The following TSR1 variants were observed in gnomAD, a reference collection of about 807,000 sequenced individuals.
TSR1 encodes the protein TSR1 ribosome maturation factor.
In TSR1, 81 loss-of-function variants were observed where a neutral mutation model predicts 90.9. The ratio of observed to expected loss-of-function variants is 0.89; its 90% confidence interval spans 0.74 to 1.07. The LOEUF (loss-of-function observed/expected upper bound fraction) is 1.07, where lower values mean the gene tolerates loss of function less well. Among genes scored for constraint, TSR1 ranks in the 50% least tolerant of loss-of-function variants. The pLI is 0.00. For missense variants in TSR1, 989 were observed against 987.3 expected (o/e 1.00, Z -0.02); for synonymous variants, 362 against 348.8 (o/e 1.04, Z -0.42).
Position 2,336,429 on chromosome 17 carries a change from C to A in TSR1, c.-2G>T. The A allele has an allele frequency of 1.2e-6, 2 of 1,609,554 alleles. No individual in the cohort carries two copies. Among genetic ancestry groups the A allele is most frequent in the South Asian group, 2.2e-5 (2 of 90,950 alleles). On this transcript the variant is annotated 5_prime_UTR_variant, in exon 1 of 15. Coordinates refer to ENST00000301364, the MANE Select transcript of TSR1 (RefSeq NM_018128.5). ...CGGGCCGGGGCGGTGGGCCGCCATG[C>A]CGCAGCGCGCGTGTACGGAGTCAGC...
chr17:2,330,575 G>T lies in TSR1; in HGVS notation c.1710C>A (p.Val570=). ...LHVSEVPVSV[V]ECFRQGTPLI... is the part of the protein sequence containing the mutation. ...AGGGTGTTCCTTGCCTGAAGCACTC[G>T]ACCACTGAGACGGGGACTTCAGAGA... is the stretch of plus-strand genomic sequence containing the variant. The change falls in exon 10 of 15, where the codon GTC becomes GTA. Residue 570 remains valine (V), a synonymous_variant. Transcript: ENST00000301364. 1.9e-6 allele frequency: 3 copies of T among 1,613,820 alleles called. No homozygotes were observed.
chr17:2,333,367 T>C (rs975461743), intron 6 of TSR1, 190 bp downstream of exon 6: 5 of 892,144 alleles, frequency 5.6e-6, no homozygotes, highest in African/African-American at 5.0e-5. Context: ...TTAACACAAG[T>C]AATTTTGAGA....
Position 2,332,253 on chromosome 17 carries a change from AT to A in TSR1, c.1411del (p.Met471CysfsTer109). 2 of 1,614,050 alleles carry A rather than the reference AT, an allele frequency of 1.2e-6. No homozygotes were observed. Among genetic ancestry groups the A allele is most frequent in the Non-Finnish European group, 1.7e-6 (2 of 1,179,992 alleles). On this transcript the variant is annotated frameshift_variant, in exon 8 of 15. Transcript: ENST00000301364. LOFTEE classifies it high-confidence loss of function. Reference protein sequence around the residue: ...KKVDEEAEAKMLEKYKQERLE... With the variant: ...KKVDEEAEAKXLEKYKQERLE... Reference sequence around the variant, plus strand: ...TCTTTCTTGTTTATATTTCTCCAACATTTTTGCCTCAGCTTCTTCATCTACT... The same window carrying A: ...TCTTTCTTGTTTATATTTCTCCAACATTTTGCCTCAGCTTCTTCATCTACT...
At chr17:2,329,582 T>C in intron 10 of TSR1, 107 bp from the exon 11 acceptor site, 1 of 1,338,970 alleles carries the variant, frequency 7.5e-7, no homozygotes, top group South Asian at 1.3e-5. Flanking sequence ...TTCTAAGAAC[T>C]GACAATGCTA....
In TSR1 at chr17:2,335,242, A is replaced by T. The variant is rs763207788; in HGVS notation, c.556+18T>A. ...GCCTGACAAATTAAAGGTGCACAAT[A>T]AATGCTAACTCACTTACTATAGGTC... On this transcript the variant is annotated intron_variant, in intron 4 of 14. Transcript: ENST00000301364. The T allele has an allele frequency of 6.2e-7, 1 of 1,612,234 alleles. No individual in the cohort carries two copies. The highest frequency in any genetic ancestry group is 1.1e-5 in the South Asian group (1 of 90,764).
rs770258928 is a variant in TSR1, at chr17:2,329,479, G to C, written c.1771-4C>G. 14 of 1,613,320 alleles carry C rather than the reference G, an allele frequency of 8.7e-6. No homozygotes were observed. The highest frequency in any genetic ancestry group is 1.1e-5 in the Non-Finnish European group (13 of 1,179,846). ...CCACCATATTCAATACTGACATCTG[G>C]GGACCAAGTAAGAAAAACAAAAATC... is the stretch of plus-strand genomic sequence containing the variant. On this transcript the variant is annotated splice_region_variant and splice_polypyrimidine_tract_variant and intron_variant, in intron 10 of 14. Coordinates refer to ENST00000301364, the MANE Select transcript of TSR1 (RefSeq NM_018128.5).
chr17:2,323,064 CCA>C lies in TSR1; in HGVS notation c.*1130_*1131del. The C allele has an allele frequency of 6.7e-7, 1 of 1,492,230 alleles. No homozygotes were observed. Among genetic ancestry groups the C allele is most frequent in the Non-Finnish European group, 9.3e-7 (1 of 1,073,284 alleles). 92.4% of individuals were successfully genotyped at this position (1,492,230 alleles called of 1,614,324 possible). On this transcript the variant is annotated 3_prime_UTR_variant, in exon 15 of 15. Coordinates refer to ENST00000301364, the MANE Select transcript of TSR1 (RefSeq NM_018128.5). ...ACAGGTGTGAGCCACCACACCAGGC[CCA>C]TATTTTCTTTTAGACATGCAGGCAA...
In TSR1 at chr17:2,324,932, C is replaced by T. The variant is rs577432250; in HGVS notation, c.2021-103G>A. On this transcript the variant is annotated intron_variant, in intron 12 of 14. Coordinates refer to ENST00000301364, the MANE Select transcript of TSR1 (RefSeq NM_018128.5). ...CCCATGCAAGAGCCTGGTTTGTCAT[C>T]CCTGCCCTAGCCCAATCTGAGGCTA... The T allele has an allele frequency of 1.3e-4, 184 of 1,363,834 alleles. 2 individuals carry two copies. In the South Asian group the frequency reaches 2.4e-3, roughly 18 times the overall value. 84.5% of individuals were successfully genotyped at this position (1,363,834 alleles called of 1,614,324 possible).
chr17:2,323,596 T>G lies in TSR1; in HGVS notation c.*600A>C. On this transcript the variant is annotated 3_prime_UTR_variant, in exon 15 of 15. Transcript: ENST00000301364. ...TGGACACGTATTCTCATCTGAACTT[T>G]ATAGGTAAACCAACTAGACTCCCCT... The G allele has an allele frequency of 6.4e-7, 1 of 1,561,798 alleles. No homozygotes were observed. The highest frequency in any genetic ancestry group is 1.1e-5 in the South Asian group (1 of 89,090).
intron 7 of TSR1, 84 bp from the exon 8 acceptor site, chr17:2,332,443 T>A: frequency 8.5e-7 from 1 of 1,176,988 alleles, no homozygotes; most frequent in Non-Finnish European, 1.2e-6. Context: ...GTAAAATAAT[T>A]GTACTAGATC....
In TSR1 at chr17:2,323,867, T is replaced by C. The variant is rs1328353331; in HGVS notation, c.*329A>G. On this transcript the variant is annotated 3_prime_UTR_variant, in exon 15 of 15. Transcript: ENST00000301364. ...GGCCAGCTTCTTATCAGTCTGTTTC[T>C]GTTTAATTTACAGAAAAGGAAATGG... 1 of 1,613,732 alleles carries C rather than the reference T, an allele frequency of 6.2e-7. No homozygotes were observed. Among genetic ancestry groups the C allele is most frequent in the Admixed American group, 1.7e-5 (1 of 59,998 alleles).
At chr17:2,329,148 G>C (rs1317758075) in intron 11 of TSR1, 195 bp downstream of exon 11, 1 of 887,656 alleles carries the variant, frequency 1.1e-6, no homozygotes, top group Non-Finnish European at 1.9e-6. Context: ...TCACACAGAA[G>C]TTGCATCACT....
In TSR1 at chr17:2,330,542, T is replaced by G; in HGVS notation, c.1743A>C (p.Ala581=). 6.2e-7 allele frequency: 1 copy of G among 1,613,808 alleles called. No homozygotes were observed. The highest frequency in any genetic ancestry group is 8.5e-7 in the Non-Finnish European group (1 of 1,179,924). Residue 581 remains alanine (A), a synonymous_variant, in exon 10 of 15, where the codon GCA becomes GCC. Coordinates refer to ENST00000301364, the MANE Select transcript of TSR1 (RefSeq NM_018128.5). ...TCTGTTCATGAGGTAGTAAAGAAAA[T>G]GCAATCAAGGGTGTTCCTTGCCTGA... is the stretch of plus-strand genomic sequence containing the variant. The part of the protein sequence containing the change: ...ECFRQGTPLI[A]FSLLPHEQKM...
At position 2,323,293 on chromosome 17, in the gene TSR1, T is replaced by G; in HGVS notation, c.*903A>C. The G allele has an allele frequency of 6.2e-7, 1 of 1,614,096 alleles. No homozygotes were observed. The highest frequency in any genetic ancestry group is 8.5e-7 in the Non-Finnish European group (1 of 1,179,962). On this transcript the variant is annotated 3_prime_UTR_variant, in exon 15 of 15. Coordinates refer to ENST00000301364, the MANE Select transcript of TSR1 (RefSeq NM_018128.5). Reference sequence around the variant, plus strand: ...AGCATTGGCTTGAACACCTGGCCTATTATCAGGGACCTTGTGGATGATATC... The same window carrying G: ...AGCATTGGCTTGAACACCTGGCCTAGTATCAGGGACCTTGTGGATGATATC...
chr17:2,326,245 T>C (rs2075575350), intron 11 of TSR1, among the ~76,000 whole-genome samples: 1 of 152,188 alleles, frequency 6.6e-6, no homozygotes, highest in South Asian at 2.1e-4. Context: ...ATTCTCACAA[T>C]TGGTGAGAAT....
At position 2,322,800 on chromosome 17, in the gene TSR1, G is replaced by C. The variant is rs561811266; in HGVS notation, c.*1396C>G. ...CAAAGTGCTGGGATTACAGGCGTGA[G>C]CCACTGCGCCCCACCCCATTTTGGT... is the stretch of plus-strand genomic sequence containing the variant. On this transcript the variant is annotated 3_prime_UTR_variant, in exon 15 of 15. Coordinates refer to ENST00000301364, the MANE Select transcript of TSR1 (RefSeq NM_018128.5). 3 of 307,750 alleles carry C rather than the reference G, an allele frequency of 9.7e-6. No homozygotes were observed. The highest frequency in any genetic ancestry group is 1.9e-5 in the Non-Finnish European group (3 of 159,018). The allele number at this position is 307,750 out of a possible 1,614,324, so 19.1% of individuals were successfully genotyped here. A position where few individuals can be genotyped will look rare whatever the true frequency, so the allele number is the denominator to read the frequency against.
intron 8 of TSR1, among the ~76,000 whole-genome samples, chr17:2,331,859 C>T (rs552443939): frequency 6.6e-6 from 1 of 152,260 alleles, no homozygotes; most frequent in Admixed American, 6.5e-5. Context: ...CTACCCAAAC[C>T]CCCTAAAATT....
intron 11 of TSR1, among the ~76,000 whole-genome samples, chr17:2,328,140 A>G (rs920926164): frequency 6.6e-6 from 1 of 150,950 alleles, no homozygotes; most frequent in Non-Finnish European, 1.5e-5. Flanking sequence ...CTACTCGGGA[A>G]GCTGAGGCAG....
rs1162989405 is a variant in TSR1 at position 2,324,551 on chromosome 17, T to G, written c.2189A>C (p.Glu730Ala). 6 of 1,614,192 alleles carry G rather than the reference T, an allele frequency of 3.7e-6. No homozygotes were observed. The highest frequency in any genetic ancestry group is 5.1e-6 in the Non-Finnish European group (6 of 1,180,032). Reference protein sequence around the residue: ...REDVLWFKPVELRTKWGRRGH... With the variant: ...REDVLWFKPVALRTKWGRRGH... ...TCTCCGGCCCCACTTCGTTCTCAGT[T>G]CCACTGGTTTAAACCACAGCACATC... Residue 730 changes from glutamate (E) to alanine (A), a missense_variant, in exon 14 of 15, where the codon GAA becomes GCA. Physicochemically the swap from Glu to Ala is moderately radical, Grantham distance 107. Transcript: ENST00000301364.
Sources: allele counts gnomAD v4.1 joint callset (sites outside exome capture counted in the v4.1 genomes callset), GRCh38; gene constraint gnomAD v4.1.1; transcripts MANE v1.5; gene names NCBI Gene and HGNC (gene_info 2026-07-23, HGNC 2026-07-21).